Variants in PHGDH observed in about 807,000 individuals in gnomAD.
The protein encoded by PHGDH is D-3-phosphoglycerate dehydrogenase.
Under a neutral mutation model 52.6 loss-of-function variants are expected in PHGDH, and 50 were observed. The observed-to-expected ratio is 0.95, with a 90% CI of 0.76 to 1.20. The LOEUF (loss-of-function observed/expected upper bound fraction) is 1.20, where lower values mean the gene tolerates loss of function less well. PHGDH is among the 50% of genes most tolerant of loss of function. The pLI is 0.00. For synonymous variants in PHGDH, 271 were observed against 280.5 expected (o/e 0.97, Z 0.34); for missense variants, 630 against 684.6 (o/e 0.92, Z 0.89).
chr1:119,725,016 A>C (rs148608236), intron 3 of PHGDH: 1 of 456,438 alleles, frequency 2.2e-6, no homozygotes, highest in Non-Finnish European at 4.4e-6. Context: ...GTGGGTGGAG[A>C]GCAGGCGTGG....
chr1:119,735,758 G>A (rs587692485), intron 7 of PHGDH, among the ~76,000 whole-genome samples: 2 of 152,316 alleles, frequency 1.3e-5, no homozygotes, highest in African/African-American at 4.8e-5. Context: ...TGAAGTTGAG[G>A]GTCTGGAGCA....
At chr1:119,724,490 G>C (rs1466407374) in intron 3 of PHGDH, 1 of 336,342 alleles carries the variant, frequency 3.0e-6, no homozygotes, top group South Asian at 2.5e-5. Flanking sequence ...GGAGGCAGTG[G>C]GGGGAAAGGA....
At chr1:119,734,443 T>C (rs1651838370) in intron 5 of PHGDH, 191 bp from the exon 6 acceptor site, 2 of 647,258 alleles carry the variant, frequency 3.1e-6, no homozygotes, top group Non-Finnish European at 5.6e-6. Flanking sequence ...TCATGGTACT[T>C]AGTATATGGT....
chr1:119,727,984 G>A (rs774710990), intron 5 of PHGDH, among the ~76,000 whole-genome samples: 7 of 152,178 alleles, frequency 4.6e-5, no homozygotes, highest in Non-Finnish European at 1.0e-4. Context: ...GGGTGCACAT[G>A]AGTAGTAGCT....
At chr1:119,718,860 C>A (rs1651035644) in intron 1 of PHGDH, among the ~76,000 whole-genome samples, 1 of 152,080 alleles carries the variant, frequency 6.6e-6, no homozygotes, top group African/African-American at 2.4e-5. Flanking sequence ...ACCAAAACTG[C>A]AGGTCTAAGA....
intron 5 of PHGDH, among the ~76,000 whole-genome samples, chr1:119,733,664 T>C (rs1651804502): frequency 6.6e-6 from 1 of 152,228 alleles, no homozygotes; most frequent in Admixed American, 6.5e-5. Context: ...GTATCTATAC[T>C]GTATCCCTAA....
chr1:119,743,929 T>A lies in PHGDH; in HGVS notation c.1491T>A (p.Thr497=), dbSNP rs1557983680. ...EAGVRLLSYQ[T]SLVSDGETWH... ...GCGTGCGGCTGCTGTCCTACCAGAC[T>A]TCACTGGTGTCAGATGGGGAGACCT... Residue 497 remains threonine (T), a synonymous_variant, in exon 12 of 12, where the codon ACT becomes ACA. Transcript: ENST00000641023. 6.2e-7 allele frequency: 1 copy of A among 1,613,446 alleles called. No homozygotes were observed. The highest frequency in any genetic ancestry group is 1.7e-5 in the Admixed American group (1 of 60,026).
chr1:119,721,141 T>G, intron 1 of PHGDH, 29 bp from the exon 2 acceptor site: 2 of 1,612,802 alleles, frequency 1.2e-6, no homozygotes, highest in Middle Eastern at 1.6e-4. Flanking sequence ...AGAATGACTT[T>G]CTGGACCCAA....
Position 119,740,393 on chromosome 1 carries a change from C to T in PHGDH, c.953C>T (p.Ala318Val), listed in dbSNP as rs1030988421. 6.2e-7 allele frequency: 1 copy of T among 1,614,120 alleles called. No individual in the cohort carries two copies. Among genetic ancestry groups the T allele is most frequent in the Admixed American group, 1.7e-5 (1 of 60,034 alleles). The change falls in exon 9 of 12, where the codon GCC becomes GTC. Residue 318 changes from alanine to valine, a missense_variant. Ala to Val is a moderately conservative substitution (Grantham distance 64). Transcript: ENST00000641023. ...CTCCTCCATCCTCTGCAGGTGAATGCCCAGGCCCTTACCAGTGCCTTCTCT... is the reference window on the plus strand; with the variant it reads ...CTCCTCCATCCTCTGCAGGTGAATGTCCAGGCCCTTACCAGTGCCTTCTCT... Reference protein sequence around the residue: ...KGKSLTGVVNAQALTSAFSPH... With the variant: ...KGKSLTGVVNVQALTSAFSPH...
At chr1:119,728,777 A>C (rs1286487325) in intron 5 of PHGDH, among the ~76,000 whole-genome samples, 1 of 152,210 alleles carries the variant, frequency 6.6e-6, no homozygotes, top group Non-Finnish European at 1.5e-5. Flanking sequence ...AGGGAATTAC[A>C]GGGATTATGG....
At chr1:119,722,655 G>A (rs1651222230) in intron 2 of PHGDH, among the ~76,000 whole-genome samples, 1 of 151,778 alleles carries the variant, frequency 6.6e-6, no homozygotes, top group African/African-American at 2.4e-5. Context: ...GCCAAGGTGG[G>A]AGGATCACTT....
chr1:119,733,146 G>A (rs754449341), intron 5 of PHGDH, among the ~76,000 whole-genome samples: 2 of 152,098 alleles, frequency 1.3e-5, no homozygotes, highest in Non-Finnish European at 2.9e-5. Context: ...TTCTTATAGG[G>A]CGTGGGAGAG....
At chr1:119,717,232 C>CAAA (rs58549149) in intron 1 of PHGDH, among the ~76,000 whole-genome samples, 697 of 37,318 alleles carry the variant, frequency 0.019, 199 homozygotes, top group East Asian at 0.19. Flanking sequence ...AACTCTGTCT[C>CAAA]AAAAAAAAAA....
At chr1:119,741,607 G>T (rs1293593932) in intron 9 of PHGDH, among the ~76,000 whole-genome samples, 160 bp from the exon 10 acceptor site, 2 of 152,124 alleles carry the variant, frequency 1.3e-5, no homozygotes, top group African/African-American at 4.8e-5. Context: ...CCTCTTCTGA[G>T]CCCACTGAAG....
chr1:119,712,227 A>T, intron 1 of PHGDH, 67 bp downstream of exon 1: 1 of 1,449,534 alleles, frequency 6.9e-7, no homozygotes, highest in African/African-American at 1.4e-5. Flanking sequence ...GGCTGCGCCC[A>T]GGCCAGCGCG....
chr1:119,725,845 G>C (rs1034699725), intron 3 of PHGDH, among the ~76,000 whole-genome samples: 7 of 152,182 alleles, frequency 4.6e-5, no homozygotes, highest in African/African-American at 1.7e-4. Context: ...GACTTTGCTG[G>C]CTTTGAATCT....
chr1:119,728,423 A>T (rs1206514136), intron 5 of PHGDH, among the ~76,000 whole-genome samples: 2 of 152,162 alleles, frequency 1.3e-5, no homozygotes, highest in Non-Finnish European at 2.9e-5. Context: ...TTCAGAAAAG[A>T]TTTAAAAGTG....
At chr1:119,720,143 T>C (rs1361112051) in intron 1 of PHGDH, 1 of 152,220 alleles carries the variant, frequency 6.6e-6, no homozygotes, top group Non-Finnish European at 1.5e-5. Context: ...AGCAAGAATA[T>C]TCTTATTCTG....
rs1003480319 is a variant in PHGDH at position 119,740,375 on chromosome 1, A to T, written c.946-11A>T. The T allele has an allele frequency of 1.2e-6, 2 of 1,614,082 alleles. No individual in the cohort carries two copies. The highest frequency in any genetic ancestry group is 2.2e-5 in the South Asian group (2 of 91,062). ...TTCCTGACCACAGCCCCGCTCCTCC[A>T]TCCTCTGCAGGTGAATGCCCAGGCC... On this transcript the variant is annotated splice_polypyrimidine_tract_variant and intron_variant, in intron 8 of 11. Coordinates refer to ENST00000641023, the MANE Select transcript of PHGDH (RefSeq NM_006623.4).
Sources: allele counts gnomAD v4.1 joint callset (sites outside exome capture counted in the v4.1 genomes callset), GRCh38; gene constraint gnomAD v4.1.1; transcripts MANE v1.5; gene names NCBI Gene and HGNC (gene_info 2026-07-23, HGNC 2026-07-21).